The following INPP5F variants were observed in gnomAD, a reference collection of about 807,000 sequenced individuals.
INPP5F encodes the protein inositol polyphosphate-5-phosphatase F.
INPP5F carries 97 observed loss-of-function variants against 137.2 expected under a neutral mutation model. That is an observed-to-expected ratio of 0.71 (90% CI 0.60 to 0.84). INPP5F has a LOEUF of 0.84. Among genes scored for constraint, INPP5F ranks in the 40% least tolerant of loss-of-function variants. The pLI is 0.00. For missense variants in INPP5F, 1,271 were observed against 1,371.9 expected (o/e 0.93, Z 1.16); for synonymous variants, 504 against 476.9 (o/e 1.06, Z -0.74).
Position 119,787,677 on chromosome 10 carries a change from A to C in INPP5F, c.316-3840A>C, listed in dbSNP as rs80300723. Among the ~76,000 whole-genome samples, 7 of 151,726 alleles carry C rather than the reference A, an allele frequency of 4.6e-5. No homozygotes were observed. Among genetic ancestry groups the C allele is most frequent in the African/African-American group, 1.2e-4 (5 of 41,066 alleles). On this transcript the variant is annotated intron_variant, in intron 3 of 19. Coordinates refer to ENST00000650623, the MANE Select transcript of INPP5F (RefSeq NM_014937.4). This position sits in a 1 kb window ranked among gnomAD's most constrained non-coding sequence, Gnocchi z 4.1. Reference sequence around the variant, plus strand: ...GGAGGAAGGCAGGCAGGCAGGCAGGAAGGAAGGAAATGCCAAGCTTAGAGA... The same window carrying C: ...GGAGGAAGGCAGGCAGGCAGGCAGGCAGGAAGGAAATGCCAAGCTTAGAGA...
intron 18 of INPP5F, 28 bp downstream of exon 18, chr10:119,823,227 C>A: frequency 1.2e-6 from 2 of 1,603,150 alleles, no homozygotes; most frequent in South Asian, 2.2e-5. Flanking sequence ...TGAAAGTATT[C>A]AGTGAAAACT....
intron 1 of INPP5F, among the ~76,000 whole-genome samples, chr10:119,739,845 C>T (rs1444918750): frequency 6.6e-6 from 1 of 152,060 alleles, no homozygotes; most frequent in African/African-American, 2.4e-5. Flanking sequence ...GTCTTGAACT[C>T]CTGGGCTCAA....
At chr10:119,823,716 T>C (rs1851650751) in intron 18 of INPP5F, 99 bp from the exon 19 acceptor site, 2 of 778,784 alleles carry the variant, frequency 2.6e-6, no homozygotes, top group South Asian at 2.2e-5. Context: ...TATTTAATTA[T>C]ACGACGACAA....
At position 119,828,648 on chromosome 10, in the gene INPP5F, T is replaced by C. The variant is rs1380228953; in HGVS notation, c.*868T>C. 2.6e-5 allele frequency: 4 copies of C among 152,234 alleles called. No homozygotes were observed. The highest frequency in any genetic ancestry group is 5.9e-5 in the Non-Finnish European group (4 of 68,090). The allele number at this position is 152,234 out of a possible 1,614,324, so 9.4% of individuals were successfully genotyped here. A position where few individuals can be genotyped will look rare whatever the true frequency, so the allele number is the denominator to read the frequency against. On this transcript the variant is annotated 3_prime_UTR_variant, in exon 20 of 20. Transcript: ENST00000650623. ...GCTCACACCTATAATCCCAACACTT[T>C]GGGAGGCCAGGAGTTTTGAGACCAG...
At chr10:119,730,369 C>G (rs537725978) in intron 1 of INPP5F, among the ~76,000 whole-genome samples, 2 of 152,212 alleles carry the variant, frequency 1.3e-5, no homozygotes, top group East Asian at 1.9e-4. Flanking sequence ...CCCGGCCTCC[C>G]GAAGTGCTGG....
At chr10:119,797,183 C>T (rs1195349910) in intron 7 of INPP5F, among the ~76,000 whole-genome samples, 1 of 152,166 alleles carries the variant, frequency 6.6e-6, no homozygotes, top group Non-Finnish European at 1.5e-5. Context: ...ACTGGCACTC[C>T]ACTGACAGCC....
chr10:119,792,864 A>G (rs1466553481), intron 6 of INPP5F, among the ~76,000 whole-genome samples: 1 of 152,240 alleles, frequency 6.6e-6, no homozygotes, highest in Non-Finnish European at 1.5e-5. Context: ...GCAGGCAAAT[A>G]GGTGAATAAA....
intron 6 of INPP5F, among the ~76,000 whole-genome samples, chr10:119,794,876 CG>C (rs1479070326): frequency 7.5e-5 from 8 of 106,034 alleles, no homozygotes; most frequent in African/African-American, 2.7e-4. Flanking sequence ...CCCTCCCGGA[CG>C]GGGCGGCTGG....
intron 3 of INPP5F, among the ~76,000 whole-genome samples, chr10:119,789,483 C>T (rs1850056673): frequency 6.6e-6 from 1 of 152,060 alleles, no homozygotes; most frequent in Non-Finnish European, 1.5e-5. Flanking sequence ...GATGCTGTAT[C>T]AAGGAGGGTG....
chr10:119,804,761 G>A (rs1002166935), intron 10 of INPP5F, among the ~76,000 whole-genome samples: 3 of 151,070 alleles, frequency 2.0e-5, no homozygotes, highest in South Asian at 2.1e-4. Context: ...TCACTCTGTC[G>A]CCCAGGCTGA....
intron 6 of INPP5F, among the ~76,000 whole-genome samples, chr10:119,793,142 C>A (rs151197196): frequency 2.7e-4 from 41 of 152,256 alleles, no homozygotes; most frequent in African/African-American, 9.4e-4. Flanking sequence ...CTGACAATAT[C>A]GAGCTCTAAC....
rs1564858654 is a variant in INPP5F at position 119,826,915 on chromosome 10, C to T, written c.2534C>T (p.Ala845Val). ...ENTGVMDKVQ[A>V]ESDGDMSSDN... is the part of the protein sequence containing the mutation. ...ACAGGAGTGATGGATAAGGTTCAGG[C>T]AGAGTCTGATGGGGACATGTCTTCA... Residue 845 changes from alanine (A) to valine (V), a missense_variant, in exon 20 of 20, where the codon GCA becomes GTA. Coordinates refer to ENST00000650623, the MANE Select transcript of INPP5F (RefSeq NM_014937.4). 6.2e-7 allele frequency: 1 copy of T among 1,614,072 alleles called. No individual in the cohort carries two copies. The highest frequency in any genetic ancestry group is 1.3e-5 in the African/African-American group (1 of 75,034).
At chr10:119,790,624 CTGA>C (rs1290088733) in intron 3 of INPP5F, among the ~76,000 whole-genome samples, 3 of 152,172 alleles carry the variant, frequency 2.0e-5, no homozygotes, top group Non-Finnish European at 2.9e-5. Flanking sequence ...TTGTAACACA[CTGA>C]TGATAATAAG....
intron 8 of INPP5F, among the ~76,000 whole-genome samples, chr10:119,798,120 A>G (rs886820826): frequency 5.3e-5 from 8 of 151,916 alleles, no homozygotes; most frequent in Admixed American, 4.6e-4. Context: ...TAGCTAAGTC[A>G]TTTAAATCTA....
At chr10:119,820,323 A>T (rs2134290666) in intron 15 of INPP5F, among the ~76,000 whole-genome samples, 2 of 152,366 alleles carry the variant, frequency 1.3e-5, no homozygotes, top group South Asian at 4.1e-4. Flanking sequence ...ATCTATAATG[A>T]CAAAAATGCA....
chr10:119,749,259 C>T (rs1407318691), intron 1 of INPP5F, among the ~76,000 whole-genome samples: 1 of 152,164 alleles, frequency 6.6e-6, no homozygotes, highest in Non-Finnish European at 1.5e-5. Flanking sequence ...TGCCAGGAGC[C>T]CCGCCAACTT....
chr10:119,757,553 A>G (rs1478564453), intron 2 of INPP5F, among the ~76,000 whole-genome samples: 3 of 151,956 alleles, frequency 2.0e-5, no homozygotes, highest in Non-Finnish European at 4.4e-5. Flanking sequence ...GCACTTTGGG[A>G]GGCTGAGGCA....
intron 1 of INPP5F, among the ~76,000 whole-genome samples, chr10:119,731,813 A>G: frequency 6.6e-6 from 1 of 152,156 alleles, no homozygotes; most frequent in South Asian, 2.1e-4. Context: ...TTTAGTCTTC[A>G]GTTTTTATAA....
At chr10:119,822,536 A>G (rs1851609064) in intron 17 of INPP5F, 32 bp downstream of exon 17, 1 of 1,049,798 alleles carries the variant, frequency 9.5e-7, no homozygotes, top group Non-Finnish European at 1.4e-6. Flanking sequence ...AAGTCATCAA[A>G]AGCAAATGCT....
Sources: allele counts gnomAD v4.1 joint callset (sites outside exome capture counted in the v4.1 genomes callset), GRCh38; gene constraint gnomAD v4.1.1; non-coding constraint Gnocchi (gnomAD v3.1); transcripts MANE v1.5; gene names NCBI Gene and HGNC (gene_info 2026-07-23, HGNC 2026-07-21).